TMPRSS4: variants seen among roughly 807,000 people sequenced by gnomAD.
The protein encoded by TMPRSS4 is transmembrane serine protease 4.
A neutral mutation model predicts 56.4 loss-of-function variants in TMPRSS4; 45 were observed. That is an observed-to-expected ratio of 0.80 (90% CI 0.63 to 1.02). The LOEUF (loss-of-function observed/expected upper bound fraction) is 1.02, where lower values mean the gene tolerates loss of function less well. TMPRSS4 is among the 50% of genes least tolerant of loss of function. The pLI is 0.00. For synonymous variants in TMPRSS4, 205 were observed against 211.0 expected, an observed-to-expected ratio of 0.97 and a Z score of 0.25; for missense variants, 546 against 556.7, an observed-to-expected ratio of 0.98 and a Z score of 0.19.
Position 118,080,400 on chromosome 11 carries a change from G to A in TMPRSS4, c.3+3095G>A, listed in dbSNP as rs145007720. ...CTGGAGCAAAGACTCCGGCACTCCA[G>A]GTCATGGGAGCTGCACCTGCCGAGG... is the stretch of plus-strand genomic sequence containing the variant. On this transcript the variant is annotated intron_variant, in intron 1 of 12. Transcript: ENST00000437212. Among the ~76,000 whole-genome samples the A allele has an allele frequency of 2.6e-5, 4 of 152,322 alleles. No individual in the cohort carries two copies. In the East Asian group the frequency reaches 7.7e-4, roughly 29 times the overall value.
intron 7 of TMPRSS4, among the ~76,000 whole-genome samples, chr11:118,110,047 G>A (rs1947199410): frequency 6.6e-6 from 1 of 152,158 alleles, no homozygotes; most frequent in African/African-American, 2.4e-5. Flanking sequence ...CAATACCCAG[G>A]ACAGCCTGTG....
Position 118,077,251 on chromosome 11 carries a change from T to C in TMPRSS4, c.-52T>C. ...GGGAGGCCCTCCTGCTGCCTTGGGG[T>C]GACAATCTCAGCTCCAGGCTACAGG... On this transcript the variant is annotated 5_prime_UTR_variant, in exon 1 of 13. Transcript: ENST00000437212. The C allele has an allele frequency of 6.3e-7, 1 of 1,585,516 alleles. No individual in the cohort carries two copies. Among genetic ancestry groups the C allele is most frequent in the South Asian group, 1.2e-5 (1 of 86,554 alleles).
intron 2 of TMPRSS4, among the ~76,000 whole-genome samples, chr11:118,096,022 C>T (rs1385169954): frequency 1.3e-5 from 2 of 152,182 alleles, no homozygotes; most frequent in Non-Finnish European, 1.5e-5. Context: ...GACACAGGAA[C>T]CCATGGCTCC....
In TMPRSS4 at chr11:118,096,825, G is replaced by GGAAAGGAAGAA. The variant is rs1565421994; in HGVS notation, c.43+1970_43+1971insGAAAGGAAGAA. On this transcript the variant is annotated intron_variant, in intron 2 of 12. Coordinates refer to ENST00000437212, the MANE Select transcript of TMPRSS4 (RefSeq NM_019894.4). The stretch of plus-strand genomic sequence containing the variant: ...AGAGGAGAGAAAAAAGAAAGAAAGA[G>GGAAAGGAAGAA]AGAAAGAAAGAAGGAAAGAAGGAAA... Among the ~76,000 whole-genome samples, 55 of 21,370 alleles carry GGAAAGGAAGAA rather than the reference G, an allele frequency of 2.6e-3. 21 individuals are homozygous for GGAAAGGAAGAA. Among genetic ancestry groups the GGAAAGGAAGAA allele is most frequent in the Admixed American group, 4.2e-3 (9 of 2,124 alleles). The allele number at this position is 21,370 out of a possible 152,430, so 14.0% of individuals were successfully genotyped here. A position where few individuals can be genotyped will look rare whatever the true frequency, so the allele number is the denominator to read the frequency against.
intron 7 of TMPRSS4, among the ~76,000 whole-genome samples, chr11:118,110,158 T>A (rs1947204768): frequency 6.6e-6 from 1 of 152,154 alleles, no homozygotes; most frequent in South Asian, 2.1e-4. Flanking sequence ...TGTCTGTCTG[T>A]CTTGCCCACC....
Position 118,104,758 on chromosome 11 carries a change from C to T in TMPRSS4, c.378C>T (p.Ala126=). The T allele has an allele frequency of 6.2e-7, 1 of 1,614,146 alleles. No individual in the cohort carries two copies. The change falls in exon 5 of 13, where the codon GCC becomes GCT. Residue 126 remains alanine (A), a synonymous_variant. Transcript: ENST00000437212. ...LDSATGNWFS[A]CFDNFTEALA... Reference sequence around the variant, plus strand: ...CGGCCACAGGGAACTGGTTCTCTGCCTGTTTCGACAACTTCACAGAAGCTC... The same window carrying T: ...CGGCCACAGGGAACTGGTTCTCTGCTTGTTTCGACAACTTCACAGAAGCTC...
intron 1 of TMPRSS4, among the ~76,000 whole-genome samples, chr11:118,089,111 G>A (rs1945783547): frequency 6.6e-6 from 1 of 152,140 alleles, no homozygotes; most frequent in African/African-American, 2.4e-5. Context: ...GCTCAGGGAT[G>A]TCATCGACAT....
chr11:118,113,205 C>A, intron 8 of TMPRSS4, 64 bp from the exon 9 acceptor site: 2 of 1,533,646 alleles, frequency 1.3e-6, no homozygotes, highest in Non-Finnish European at 8.8e-7. Context: ...CCCTGGGGAC[C>A]CAGCCTTTGG....
At chr11:118,078,814 G>A (rs1038160412) in intron 1 of TMPRSS4, among the ~76,000 whole-genome samples, 5 of 152,034 alleles carry the variant, frequency 3.3e-5, no homozygotes, top group Middle Eastern at 3.2e-3. Flanking sequence ...TCATCTTCCC[G>A]AGACTCACCT....
intron 2 of TMPRSS4, among the ~76,000 whole-genome samples, chr11:118,096,830 A>AGAAAGAAGGAAAGAAG (rs1329188960): frequency 1.2e-4 from 2 of 16,714 alleles, no homozygotes; most frequent in South Asian, 3.6e-3. Flanking sequence ...AAAGAGAGAA[A>AGAAAGAAGGAAAGAAG]GAAAGAAGGA....
chr11:118,123,899 G>A (rs7940318), downstream of TMPRSS4, among the ~76,000 whole-genome samples: 145,024 of 152,256 alleles, frequency 0.95, 69,084 homozygotes, highest in East Asian at 0.98. Flanking sequence ...AGTTGAACAA[G>A]TTAGCAACAA....
In TMPRSS4 at chr11:118,117,427, T is replaced by C. The variant is rs144753091; in HGVS notation, c.1275T>C (p.Tyr425=). Residue 425 remains tyrosine, a synonymous_variant, in exon 12 of 13, where the codon TAT becomes TAC. Transcript: ENST00000437212. ...GAGTATACACCAAGGTCTCAGCCTA[T>C]CTCAACTGGATCTACAATGTCTGGA... is the stretch of plus-strand genomic sequence containing the variant. ...TPGVYTKVSA[Y]LNWIYNVWKA... 134 of 1,614,016 alleles carry C rather than the reference T, an allele frequency of 8.3e-5. No individual in the cohort carries two copies. In the African/African-American group the frequency reaches 1.5e-3, roughly 19 times the overall value.
intron 2 of TMPRSS4, among the ~76,000 whole-genome samples, chr11:118,095,869 T>C (rs761798824): frequency 6.6e-6 from 1 of 152,140 alleles, no homozygotes; most frequent in East Asian, 1.9e-4. Flanking sequence ...CTAGCTGCAG[T>C]GGGCAGGACA....
chr11:118,087,124 C>T (rs1565412905), intron 1 of TMPRSS4, among the ~76,000 whole-genome samples: 1 of 152,122 alleles, frequency 6.6e-6, no homozygotes, highest in Non-Finnish European at 1.5e-5. Context: ...TCTAGGTTTT[C>T]CTATGAGACC....
chr11:118,097,270 A>G (rs1946456008), intron 2 of TMPRSS4, among the ~76,000 whole-genome samples: 2 of 152,164 alleles, frequency 1.3e-5, no homozygotes, highest in Admixed American at 6.5e-5. Flanking sequence ...TATACAAAAT[A>G]AGTCAAATAT....
rs1947801930 is a variant in TMPRSS4 at position 118,121,838 on chromosome 11, T to A, written c.*3925T>A. On this transcript the variant is annotated 3_prime_UTR_variant, in exon 13 of 13. Transcript: ENST00000437212. Reference sequence around the variant, plus strand: ...GTGGGTTAATTTTTAAAGGCCTAACTGAAATATGGAGTAACCACAGCATGC... The same window carrying A: ...GTGGGTTAATTTTTAAAGGCCTAACAGAAATATGGAGTAACCACAGCATGC... The A allele has an allele frequency of 6.6e-6, 1 of 152,136 alleles. No individual in the cohort carries two copies. The highest frequency in any genetic ancestry group is 1.5e-5 in the Non-Finnish European group (1 of 68,026). The allele number at this position is 152,136 out of a possible 1,614,324, so 9.4% of individuals were successfully genotyped here.
chr11:118,096,493 G>A (rs1191152781), intron 2 of TMPRSS4, among the ~76,000 whole-genome samples: 1 of 152,170 alleles, frequency 6.6e-6, no homozygotes, highest in Admixed American at 6.5e-5. Context: ...CTGTAAGAAA[G>A]GTAGAAGGGG....
intron 5 of TMPRSS4, 26 bp from the exon 6 acceptor site, chr11:118,107,748 C>T: frequency 6.2e-7 from 1 of 1,605,658 alleles, no homozygotes; most frequent in East Asian, 2.2e-5. Context: ...CAGCTCACAA[C>T]TCTCTCTCCC....
In TMPRSS4 at chr11:118,117,328, G is replaced by A. The variant is rs901021383; in HGVS notation, c.1176G>A (p.Met392Ile). 2.5e-6 allele frequency: 4 copies of A among 1,614,180 alleles called. No homozygotes were observed. In the Admixed American group the frequency reaches 6.7e-5, roughly 27 times the overall value. The stretch of plus-strand genomic sequence containing the variant: ...AGGGTGACAGTGGTGGGCCCCTGAT[G>A]TACCAATCTGACCAGTGGCATGTGG... ...TCQGDSGGPLMYQSDQWHVVG... is the reference protein window; with the variant it reads ...TCQGDSGGPLIYQSDQWHVVG... The change falls in exon 12 of 13, where the codon ATG becomes ATA. Residue 392 changes from methionine to isoleucine, a missense_variant. Coordinates refer to ENST00000437212, the MANE Select transcript of TMPRSS4 (RefSeq NM_019894.4).
Sources: gnomAD v4.1 joint callset for allele counts (sites outside exome capture counted in the v4.1 genomes callset) on GRCh38, gnomAD v4.1.1 for gene constraint, MANE v1.5 for transcripts, NCBI Gene and HGNC (gene_info 2026-07-23, HGNC 2026-07-21) for gene names.